The following SYNPR variants were observed in gnomAD, a reference collection of about 807,000 sequenced individuals.
SYNPR encodes synaptoporin.
Under a neutral mutation model 32.9 loss-of-function variants are expected in SYNPR, and 23 were observed. That is an observed-to-expected ratio of 0.70 (90% confidence interval 0.50 to 0.99). The LOEUF (loss-of-function observed/expected upper bound fraction) is 0.99. SYNPR is among the 50% of genes least tolerant of loss of function. SYNPR has a pLI of 0.00. For missense variants in SYNPR, 318 were observed against 349.3 expected, an observed-to-expected ratio of 0.91 and a Z score of 0.71; for synonymous variants, 146 against 135.9, an observed-to-expected ratio of 1.07 and a Z score of -0.52.
chr3:63,220,076 C>T, the SYNPR span, among the ~76,000 whole-genome samples: 1 of 152,198 alleles, frequency 6.6e-6, no homozygotes, highest in South Asian at 2.1e-4. Flanking sequence ...ACTGTTGTAA[C>T]CCAAGTGCCT....
intron 2 of SYNPR, among the ~76,000 whole-genome samples, chr3:63,400,011 C>T (rs1429701305): frequency 6.6e-6 from 1 of 152,166 alleles, no homozygotes; most frequent in African/African-American, 2.4e-5. Flanking sequence ...GAAGCAGAGC[C>T]ACTTAAGTGA....
intron 2 of SYNPR, among the ~76,000 whole-genome samples, chr3:63,405,891 G>A (rs2088353349): frequency 6.6e-6 from 1 of 152,142 alleles, no homozygotes; most frequent in South Asian, 2.1e-4. Context: ...TAGTAACAAT[G>A]GTGCAAATAA....
upstream of SYNPR, among the ~76,000 whole-genome samples, chr3:63,277,423 T>G (rs968001618): frequency 6.6e-6 from 1 of 152,138 alleles, no homozygotes; most frequent in African/African-American, 2.4e-5. Flanking sequence ...TCACTAAGTT[T>G]CAAGAAAACA....
intron 3 of SYNPR, among the ~76,000 whole-genome samples, chr3:63,494,576 T>C (rs1701336703): frequency 6.6e-6 from 1 of 150,596 alleles, no homozygotes; most frequent in Admixed American, 6.7e-5. Flanking sequence ...GATATCATTA[T>C]TATCATCAAA....
chr3:63,256,635 A>G (rs577731379), intron 2 of SYNPR, among the ~76,000 whole-genome samples: 1 of 152,306 alleles, frequency 6.6e-6, no homozygotes, highest in South Asian at 2.1e-4. Context: ...AGAGCAGAAA[A>G]ATTGGAAACT....
intron 2 of SYNPR, among the ~76,000 whole-genome samples, chr3:63,402,753 T>C (rs1481621307): frequency 6.6e-6 from 1 of 152,230 alleles, no homozygotes; most frequent in East Asian, 1.9e-4. Context: ...TTTACTGCTA[T>C]ATCCCCAGTT....
At chr3:63,201,888 C>A in the SYNPR span, among the ~76,000 whole-genome samples, 2 of 151,736 alleles carry the variant, frequency 1.3e-5, no homozygotes, top group Admixed American at 6.6e-5. Context: ...ACAAATTTAC[C>A]CTTCCCCCCT....
chr3:63,235,799 C>A (rs181658833), intron 1 of SYNPR, among the ~76,000 whole-genome samples: 8 of 152,072 alleles, frequency 5.3e-5, no homozygotes, highest in Non-Finnish European at 1.2e-4. Flanking sequence ...TATTTTCTCA[C>A]AGTCTAGTAA....
intron 3 of SYNPR, among the ~76,000 whole-genome samples, chr3:63,554,413 C>A (rs1005712414): frequency 6.6e-6 from 1 of 152,178 alleles, no homozygotes; most frequent in African/African-American, 2.4e-5. Flanking sequence ...GGTCCAGTTT[C>A]ATTCTTCTTC....
chr3:63,481,894 T>C (rs2106699336), intron 3 of SYNPR, among the ~76,000 whole-genome samples: 1 of 152,236 alleles, frequency 6.6e-6, no homozygotes, highest in South Asian at 2.1e-4. Context: ...ACATTATACA[T>C]GAGATCATAA....
chr3:63,246,935 CAT>C (rs2106885684), intron 1 of SYNPR, among the ~76,000 whole-genome samples: 1 of 152,088 alleles, frequency 6.6e-6, no homozygotes, highest in South Asian at 2.1e-4. Context: ...CATTAAATGA[CAT>C]AGTATAGGCA....
In SYNPR at chr3:63,323,274, T is replaced by C. The variant is rs766013846; in HGVS notation, c.84+44532T>C. 2.0e-4 allele frequency among the ~76,000 whole-genome samples: 31 copies of C among 152,180 alleles called. No homozygotes were observed. The South Asian group carries it at 2.1e-3, about 10-fold the overall frequency. On this transcript the variant is annotated intron_variant, in intron 2 of 5. Transcript: ENST00000478300. ...GGAAATAAGAAAGAGCCAAAGGTAA[T>C]GCTATGGACTGATCCACTTTCCAAT... is the stretch of plus-strand genomic sequence containing the variant.
chr3:63,584,832 T>C (rs899332065), intron 4 of SYNPR, among the ~76,000 whole-genome samples: 6 of 152,106 alleles, frequency 3.9e-5, no homozygotes. Flanking sequence ...GGGAAGTATT[T>C]ATGGAGGAGG....
chr3:63,594,046 A>G (rs550272785), intron 4 of SYNPR, among the ~76,000 whole-genome samples: 10 of 152,172 alleles, frequency 6.6e-5, no homozygotes, highest in Non-Finnish European at 1.3e-4. Flanking sequence ...TTGGTACCCA[A>G]CCTCTCTATT....
At chr3:63,614,832 T>C (rs6798239) in intron 5 of SYNPR, among the ~76,000 whole-genome samples, 15,545 of 152,198 alleles carry the variant, frequency 0.1, 788 homozygotes, top group Non-Finnish European at 0.12. Context: ...ATACTTTATT[T>C]GGAGAATAAG....
At chr3:63,595,951 T>TTATATATATAATTTTA in intron 4 of SYNPR, among the ~76,000 whole-genome samples, 2 of 116,870 alleles carry the variant, frequency 1.7e-5, no homozygotes, top group South Asian at 2.8e-4. Flanking sequence ...ATATATAGTT[T>TTATATATATAATTTTA]TATATATATA....
intron 2 of SYNPR, among the ~76,000 whole-genome samples, chr3:63,366,477 G>A (rs1052618202): frequency 6.6e-6 from 1 of 151,236 alleles, no homozygotes; most frequent in African/African-American, 2.4e-5. Context: ...TTCATATAAA[G>A]TATGTGTACT....
intron 2 of SYNPR, among the ~76,000 whole-genome samples, chr3:63,462,834 C>T (rs1327062439): frequency 6.6e-6 from 1 of 152,062 alleles, no homozygotes; most frequent in Non-Finnish European, 1.5e-5. Flanking sequence ...GTCAAAACAC[C>T]ATAAAATTTT....
chr3:63,273,533 A>G (rs530008552), upstream of SYNPR, among the ~76,000 whole-genome samples: 2 of 152,290 alleles, frequency 1.3e-5, no homozygotes, highest in Admixed American at 1.3e-4. Flanking sequence ...GGGTCAATGG[A>G]TCCAATCCTT....
Sources: allele counts gnomAD v4.1 joint callset (sites outside exome capture counted in the v4.1 genomes callset), GRCh38; gene constraint gnomAD v4.1.1; transcripts MANE v1.5; gene names NCBI Gene and HGNC (gene_info 2026-07-23, HGNC 2026-07-21).